Variants in CFAP61 observed in about 807,000 individuals in gnomAD.
CFAP61 encodes the protein cilia- and flagella-associated protein 61.
Under a neutral mutation model 135.6 loss-of-function variants are expected in CFAP61, and 107 were observed. The observed-to-expected ratio is 0.79, with a 90% CI of 0.67 to 0.93. The LOEUF (loss-of-function observed/expected upper bound fraction) is 0.93, where lower values mean the gene tolerates loss of function less well. CFAP61 is among the 40% of genes least tolerant of loss of function. The pLI, the probability that CFAP61 is intolerant of heterozygous loss-of-function variation, is 0.00. For synonymous variants in CFAP61, 575 were observed against 578.5 expected, an observed-to-expected ratio of 0.99 and a Z score of 0.09; for missense variants, 1,507 against 1,556.2, an observed-to-expected ratio of 0.97 and a Z score of 0.53.
chr20:20,067,277 C>T (rs1261369521), intron 2 of CFAP61, among the ~76,000 whole-genome samples: 2 of 151,822 alleles, frequency 1.3e-5, no homozygotes, highest in Non-Finnish European at 2.9e-5. Flanking sequence ...GTTTAAAATC[C>T]AACATTTAAA....
intron 17 of CFAP61, among the ~76,000 whole-genome samples, chr20:20,220,633 GAA>G (rs918896571): frequency 7.9e-5 from 12 of 152,060 alleles, no homozygotes; most frequent in African/African-American, 2.9e-4. Context: ...GTCAGTGTGG[GAA>G]AAAAACTCAC....
At chr20:20,061,610 A>G (rs2044801871) in intron 2 of CFAP61, among the ~76,000 whole-genome samples, 1 of 152,226 alleles carries the variant, frequency 6.6e-6, no homozygotes, top group Admixed American at 6.5e-5. Flanking sequence ...TGTTGTTGGG[A>G]GAGCTATGAC....
At chr20:20,098,863 A>G (rs1227417637) in intron 8 of CFAP61, 49 bp downstream of exon 8, 9 of 1,527,306 alleles carry the variant, frequency 5.9e-6, no homozygotes, top group Admixed American at 1.8e-5. Context: ...TCTATGCTTT[A>G]TACACATTGC....
chr20:20,244,057 C>T (rs1256229909), intron 18 of CFAP61, among the ~76,000 whole-genome samples: 2 of 152,232 alleles, frequency 1.3e-5, no homozygotes, highest in African/African-American at 4.8e-5. Context: ...TTCCTATGGT[C>T]TTGGGCAGCT....
Position 20,269,139 on chromosome 20 carries a change from A to G in CFAP61, c.2503+6009A>G, listed in dbSNP as rs13045022. Among the ~76,000 whole-genome samples, 70 of 93,570 alleles carry G rather than the reference A, an allele frequency of 7.5e-4. 2 individuals are homozygous for G. The Middle Eastern group carries it at 0.024, about 32-fold the overall frequency. The allele number at this position is 93,570 out of a possible 152,430, so 61.4% of individuals were successfully genotyped here. A position where few individuals can be genotyped will look rare whatever the true frequency, so the allele number is the denominator to read the frequency against. On this transcript the variant is annotated intron_variant, in intron 21 of 26. Transcript: ENST00000245957. ...GGGCTATATATATATATATATATAT[A>G]TATATATACACACACACACACACAC... is the stretch of plus-strand genomic sequence containing the variant.
intron 9 of CFAP61, among the ~76,000 whole-genome samples, chr20:20,155,541 GAATCTAC>G (rs970211581): frequency 3.9e-5 from 6 of 152,066 alleles, no homozygotes; most frequent in African/African-American, 1.4e-4. Context: ...CTAGTATCCA[GAATCTAC>G]AAAGAACTCA....
chr20:20,173,149 G>A (rs2054353737), intron 13 of CFAP61, among the ~76,000 whole-genome samples: 1 of 152,000 alleles, frequency 6.6e-6, no homozygotes, highest in African/African-American at 2.4e-5. Flanking sequence ...TTCTCTGGAT[G>A]TACCACAGTG....
intron 25 of CFAP61, among the ~76,000 whole-genome samples, chr20:20,307,012 CA>C (rs1473752385): frequency 6.6e-6 from 1 of 152,252 alleles, no homozygotes; most frequent in East Asian, 1.9e-4. Context: ...TTTACAAAAA[CA>C]AAGAAATACC....
rs141280865 is a variant in CFAP61, at chr20:20,325,172, T to C, written c.3423-16659T>C. 1.4e-4 allele frequency among the ~76,000 whole-genome samples: 22 copies of C among 152,374 alleles called. No homozygotes were observed. In the East Asian group the frequency reaches 4.2e-3, roughly 29 times the overall value. ...CCCCAGCCACTTACACAGTTTCTACTATTATTTACATCTTTAGTGTGGTCT... is the reference window on the plus strand; with the variant it reads ...CCCCAGCCACTTACACAGTTTCTACCATTATTTACATCTTTAGTGTGGTCT... On this transcript the variant is annotated intron_variant, in intron 25 of 26. Coordinates refer to ENST00000245957, the MANE Select transcript of CFAP61 (RefSeq NM_015585.4).
intron 19 of CFAP61, 69 bp from the exon 20 acceptor site, chr20:20,251,526 C>T: frequency 2.0e-6 from 3 of 1,499,618 alleles, no homozygotes; most frequent in East Asian, 4.5e-5. Context: ...TGAACCAGCT[C>T]ACCAGATGTC....
chr20:20,358,025 TGGTC>T (rs2059317397), intron 26 of CFAP61, among the ~76,000 whole-genome samples: 2 of 108,442 alleles, frequency 1.8e-5, no homozygotes, highest in African/African-American at 7.3e-5. Flanking sequence ...TGAGGGGAGG[TGGTC>T]ACACTGAGGA....
chr20:20,288,748 C>T lies in CFAP61; in HGVS notation c.2936C>T (p.Ser979Phe). 1 of 1,614,110 alleles carries T rather than the reference C, an allele frequency of 6.2e-7. No homozygotes were observed. Among genetic ancestry groups the T allele is most frequent in the Non-Finnish European group, 8.5e-7 (1 of 1,179,972 alleles). ...GACATAGCCATCAGAGCTGCTGGCT[C>T]CCTCACCAAATTCTCCAATAGATAC... is the stretch of plus-strand genomic sequence containing the variant. The part of the protein sequence containing the change: ...TNDIAIRAAG[S>F]LTKFSNRYYS... Residue 979 changes from serine to phenylalanine, a missense_variant, in exon 23 of 27, where the codon TCC (serine) becomes TTC (phenylalanine). Transcript: ENST00000245957.
intron 11 of CFAP61, among the ~76,000 whole-genome samples, chr20:20,164,650 G>A (rs1375111224): frequency 6.6e-6 from 1 of 151,972 alleles, no homozygotes; most frequent in Non-Finnish European, 1.5e-5. Context: ...GATAACTCTG[G>A]TGGTGAGACT....
intron 13 of CFAP61, among the ~76,000 whole-genome samples, chr20:20,187,420 A>G (rs979125112): frequency 3.3e-5 from 5 of 152,210 alleles, no homozygotes; most frequent in Non-Finnish European, 7.3e-5. Flanking sequence ...GACGTGCTCC[A>G]TTGTGTCACT....
rs200178751 is a variant in CFAP61 at position 20,075,280 on chromosome 20, G to T, written c.439+24G>T. The T allele has an allele frequency of 6.9e-4, 1,113 of 1,609,922 alleles. 10 individuals are homozygous for T. The African/African-American group carries it at 0.013, about 19-fold the overall frequency. On this transcript the variant is annotated intron_variant, in intron 5 of 26. Transcript: ENST00000245957. ...AGGTAAGGCCCGCCCAACCACCTCT[G>T]GTCCCCGGTAGCAAACATTGAAAAT...
intron 15 of CFAP61, 40 bp downstream of exon 15, chr20:20,191,459 T>C: frequency 1.4e-6 from 2 of 1,480,692 alleles, no homozygotes; most frequent in Non-Finnish European, 1.9e-6. Context: ...TGATTGTGCC[T>C]TGCTATATCA....
At chr20:20,298,606 C>T (rs954759712) in intron 25 of CFAP61, among the ~76,000 whole-genome samples, 3 of 152,178 alleles carry the variant, frequency 2.0e-5, no homozygotes, top group Non-Finnish European at 4.4e-5. Context: ...ATGGCCACAC[C>T]AGGGCCTGGA....
rs1362214121 is a variant in CFAP61, at chr20:20,332,236, G to A, written c.3423-9595G>A. 3.3e-5 allele frequency among the ~76,000 whole-genome samples: 5 copies of A among 152,298 alleles called. No homozygotes were observed. In the South Asian group the frequency reaches 6.2e-4, roughly 19 times the overall value. On this transcript the variant is annotated intron_variant, in intron 25 of 26. Transcript: ENST00000245957. ...CCATGGCAAAGTGTGTGAATGACCC[G>A]CGGCTGTGCTTTCAGGATAAACTTA...
intron 21 of CFAP61, among the ~76,000 whole-genome samples, chr20:20,270,114 T>C (rs1460416890): frequency 6.6e-6 from 1 of 152,170 alleles, no homozygotes; most frequent in Non-Finnish European, 1.5e-5. Flanking sequence ...ATATATAAAC[T>C]ATAAAATGTA....
Sources: gnomAD v4.1 joint callset for allele counts (sites outside exome capture counted in the v4.1 genomes callset) on GRCh38, gnomAD v4.1.1 for gene constraint, MANE v1.5 for transcripts, NCBI Gene and HGNC (gene_info 2026-07-23, HGNC 2026-07-21) for gene names.